CFAP54: variants seen among roughly 807,000 people sequenced by gnomAD.
CFAP54 encodes cilia and flagella associated protein 54.
In CFAP54, 290 loss-of-function variants were observed where a neutral mutation model predicts 370.4. The observed-to-expected ratio is 0.78, with a 90% CI of 0.71 to 0.86. The LOEUF (loss-of-function observed/expected upper bound fraction) is 0.86. CFAP54 is among the 40% of genes least tolerant of loss of function. The pLI, the probability that CFAP54 is intolerant of heterozygous loss-of-function variation, is 0.00. For synonymous variants in CFAP54, 1,206 were observed against 1,236.5 expected (o/e 0.98, Z 0.52); for missense variants, 3,399 against 3,528.7 (o/e 0.96, Z 0.93).
chr12:96,664,727 ATATATATATATC>A (rs1565934308), intron 39 of CFAP54, among the ~76,000 whole-genome samples: 8 of 12,108 alleles, frequency 6.6e-4, no homozygotes, highest in African/African-American at 1.3e-3. Flanking sequence ...ATATATATCT[ATATATATATATC>A]TATATATATA....
At chr12:96,573,671 A>G (rs1262793019) in intron 19 of CFAP54, among the ~76,000 whole-genome samples, 2 of 152,208 alleles carry the variant, frequency 1.3e-5, no homozygotes, top group African/African-American at 2.4e-5. Context: ...GTTTGGTTGA[A>G]TGAGTGAAAA....
intron 26 of CFAP54, among the ~76,000 whole-genome samples, chr12:96,604,894 T>A (rs1048486653): frequency 1.3e-5 from 2 of 152,214 alleles, no homozygotes; most frequent in African/African-American, 4.8e-5. Flanking sequence ...TGGCTTCCCT[T>A]TTCTAGGAAA....
At chr12:96,853,567 CT>C (rs1282945056) in intron 66 of CFAP54, among the ~76,000 whole-genome samples, 1 of 152,052 alleles carries the variant, frequency 6.6e-6, no homozygotes, top group African/African-American at 2.4e-5. Flanking sequence ...AGAATTTTTA[CT>C]TTTTACTTAA....
chr12:96,492,675 A>G (rs1235605693), intron 1 of CFAP54, among the ~76,000 whole-genome samples: 1 of 152,212 alleles, frequency 6.6e-6, no homozygotes, highest in African/African-American at 2.4e-5. Flanking sequence ...TTCAATAAAT[A>G]TTTAGTATTG....
chr12:96,776,719 T>C (rs190378923), intron 60 of CFAP54, among the ~76,000 whole-genome samples: 85 of 152,352 alleles, frequency 5.6e-4, no homozygotes, highest in Admixed American at 2.8e-3. Context: ...AATTATATCA[T>C]TAAACTTTTT....
chr12:96,836,125 G>A (rs1592798489), intron 66 of CFAP54, among the ~76,000 whole-genome samples: 2 of 152,176 alleles, frequency 1.3e-5, no homozygotes, highest in East Asian at 3.9e-4. Context: ...GGAAAAAGAT[G>A]TAAGTTTGTA....
chr12:96,678,219 C>T (rs556928003), intron 39 of CFAP54, among the ~76,000 whole-genome samples: 3 of 152,222 alleles, frequency 2.0e-5, no homozygotes, highest in East Asian at 3.9e-4. Flanking sequence ...TGAGATTAAC[C>T]TTTAGAAGTG....
intron 39 of CFAP54, among the ~76,000 whole-genome samples, chr12:96,664,725 C>CTATA (rs199537312): frequency 4.1e-5 from 3 of 72,592 alleles, no homozygotes; most frequent in Non-Finnish European, 7.9e-5. Context: ...CTATATATAT[C>CTATA]TATATATATA....
intron 55 of CFAP54, among the ~76,000 whole-genome samples, chr12:96,745,407 T>A (rs1175253026): frequency 6.6e-6 from 1 of 152,230 alleles, no homozygotes; most frequent in Non-Finnish European, 1.5e-5. Context: ...TATCTCATTG[T>A]GGTTTTGATT....
chr12:96,778,971 G>C (rs1958553260), intron 60 of CFAP54, among the ~76,000 whole-genome samples: 1 of 151,992 alleles, frequency 6.6e-6, no homozygotes, highest in Non-Finnish European at 1.5e-5. Flanking sequence ...AGCCAGGCGT[G>C]GGGGCAGGCA....
At chr12:96,558,479 GA>G (rs1274413219) in intron 17 of CFAP54, among the ~76,000 whole-genome samples, 1 of 152,108 alleles carries the variant, frequency 6.6e-6, no homozygotes, top group African/African-American at 2.4e-5. Context: ...CACATTACCT[GA>G]CTTCAAATTA....
rs755330593 is a variant in CFAP54 at position 96,518,978 on chromosome 12, G to A, written c.849G>A (p.Pro283=). 6.5e-6 allele frequency: 10 copies of A among 1,535,920 alleles called. No individual in the cohort carries two copies. Among genetic ancestry groups the A allele is most frequent in the South Asian group, 3.6e-5 (3 of 84,052 alleles). ...WASMCMESLV[P]LLSLRYLTWR... is the part of the protein sequence containing the mutation. The stretch of plus-strand genomic sequence containing the variant: ...GCATGTGTATGGAGTCCTTGGTCCC[G>A]CTCCTGTCACTCAGGTACTTGACAT... The change falls in exon 6 of 68, where the codon CCG becomes CCA. Residue 283 remains proline, a synonymous_variant. Transcript: ENST00000524981.
chr12:96,817,482 G>A lies in CFAP54; in HGVS notation c.8958-293G>A, dbSNP rs188764451. ...GTCGCCCAGGCTGGAGTGCAGTGGC[G>A]CAATCTCCGCTCACTGCAAGCTCTG... On this transcript the variant is annotated intron_variant, in intron 64 of 67. Transcript: ENST00000524981. 3.2e-4 allele frequency among the ~76,000 whole-genome samples: 48 copies of A among 150,372 alleles called. No homozygotes were observed. In the East Asian group the frequency reaches 4.1e-3, roughly 13 times the overall value.
intron 23 of CFAP54, among the ~76,000 whole-genome samples, chr12:96,590,995 T>G (rs1360465557): frequency 2.0e-5 from 3 of 152,168 alleles, no homozygotes; most frequent in Admixed American, 1.3e-4. Context: ...AGGAAACGAC[T>G]GTTTAACAGA....
chr12:96,587,190 G>T (rs1299888388), intron 22 of CFAP54, among the ~76,000 whole-genome samples: 1 of 152,056 alleles, frequency 6.6e-6, no homozygotes, highest in African/African-American at 2.4e-5. Context: ...TGAGTAGTCA[G>T]TTAGATGTAT....
intron 60 of CFAP54, among the ~76,000 whole-genome samples, chr12:96,773,485 C>A (rs1958483748): frequency 6.6e-6 from 1 of 152,174 alleles, no homozygotes. Context: ...TCATTTTTAT[C>A]TTCATAATTT....
chr12:96,512,301 T>TTATATATATATATATA (rs1165045194), intron 4 of CFAP54, among the ~76,000 whole-genome samples: 2 of 31,126 alleles, frequency 6.4e-5, no homozygotes, highest in African/African-American at 1.1e-4. Flanking sequence ...GGAACCAATT[T>TTATATATATATATATA]TATATATATA....
Position 96,633,048 on chromosome 12 carries a change from T to G in CFAP54, c.4316+2397T>G, listed in dbSNP as rs191133139. Among the ~76,000 whole-genome samples the G allele has an allele frequency of 2.0e-5, 3 of 152,284 alleles. No individual in the cohort carries two copies. The East Asian group carries it at 5.8e-4, about 29-fold the overall frequency. ...TTCTATTCTTTGTATAGGTGTATAG[T>G]TGATTTTTTTGCGTACTGATCTTCT... On this transcript the variant is annotated intron_variant, in intron 32 of 67. Coordinates refer to ENST00000524981, the MANE Select transcript of CFAP54 (RefSeq NM_001306084.2).
intron 60 of CFAP54, among the ~76,000 whole-genome samples, chr12:96,771,751 A>AT (rs1958465368): frequency 6.6e-6 from 1 of 152,220 alleles, no homozygotes; most frequent in African/African-American, 2.4e-5. Context: ...GGAAATTGGC[A>AT]TTTTAAATAC....
Sources: gnomAD v4.1 joint callset for allele counts (sites outside exome capture counted in the v4.1 genomes callset) on GRCh38, gnomAD v4.1.1 for gene constraint, MANE v1.5 for transcripts, NCBI Gene and HGNC (gene_info 2026-07-23, HGNC 2026-07-21) for gene names.